Variants in CACNA2D2 observed in about 807,000 individuals in gnomAD.
The protein encoded by CACNA2D2 is voltage-dependent calcium channel subunit alpha-2/delta-2.
A neutral mutation model predicts 166.4 loss-of-function variants in CACNA2D2; 48 were observed. The observed-to-expected ratio is 0.29, with a 90% confidence interval of 0.23 to 0.37. The LOEUF is 0.37. CACNA2D2 is among the 10% of genes least tolerant of loss of function. The pLI, the probability that CACNA2D2 is intolerant of heterozygous loss-of-function variation, is 1.00. For missense variants in CACNA2D2, 1,122 were observed against 1,433.0 expected (o/e 0.78, Z 3.50); for synonymous variants, 561 against 573.7 (o/e 0.98, Z 0.32).
chr3:50,480,794 T>G (rs575755538), intron 1 of CACNA2D2, among the ~76,000 whole-genome samples: 2 of 36,568 alleles, frequency 5.5e-5, no homozygotes, highest in African/African-American at 1.4e-4. Context: ...TAGGGGCAGC[T>G]GCAAATGCTC....
chr3:50,483,591 C>T (rs1415552712), intron 1 of CACNA2D2, among the ~76,000 whole-genome samples: 1 of 152,198 alleles, frequency 6.6e-6, no homozygotes, highest in Non-Finnish European at 1.5e-5. Context: ...CCAATATTTA[C>T]TCATAGCAGC....
rs1705064776 is a variant in CACNA2D2, at chr3:50,377,741, C to T, written c.1542G>A (p.Gly514=). 6.2e-7 allele frequency: 1 copy of T among 1,612,902 alleles called. No homozygotes were observed. The highest frequency in any genetic ancestry group is 8.5e-7 in the Non-Finnish European group (1 of 1,179,456). The stretch of plus-strand genomic sequence containing the variant: ...CCTCCCCTTTCCTCACCTTCTTTTC[C>T]CCAGGGCCATCCTGTGTCAGGTTGA... The part of the protein sequence containing the change: ...PVFNLTQDGP[G]EKKNQLILGV... Residue 514 remains glycine, a synonymous_variant, in exon 16 of 38, where the codon GGG becomes GGA. Transcript: ENST00000424201.
intron 3 of CACNA2D2, among the ~76,000 whole-genome samples, chr3:50,408,809 C>A (rs1706847472): frequency 6.6e-6 from 1 of 152,226 alleles, no homozygotes; most frequent in South Asian, 2.1e-4. Flanking sequence ...CCCACCTGGG[C>A]CTCACAGATG....
At chr3:50,369,260 G>T (rs763556457) in intron 23 of CACNA2D2, among the ~76,000 whole-genome samples, 1 of 152,198 alleles carries the variant, frequency 6.6e-6, no homozygotes. Flanking sequence ...CATTTGTGAG[G>T]TACTTCATTC....
intron 5 of CACNA2D2, among the ~76,000 whole-genome samples, chr3:50,387,361 G>A (rs1206473732): frequency 6.6e-6 from 1 of 152,230 alleles, no homozygotes; most frequent in Non-Finnish European, 1.5e-5. Context: ...TCACACTGCA[G>A]TCAAGCTCAG....
At chr3:50,479,170 C>A (rs566529736) in intron 1 of CACNA2D2, among the ~76,000 whole-genome samples, 2 of 152,316 alleles carry the variant, frequency 1.3e-5, no homozygotes, top group Admixed American at 6.5e-5. Context: ...ACTCTCCCTC[C>A]CTCCTTGTCT....
intron 6 of CACNA2D2, 116 bp from the exon 7 acceptor site, chr3:50,381,242 A>T: frequency 8.2e-7 from 1 of 1,225,500 alleles, no homozygotes; most frequent in Non-Finnish European, 1.2e-6. Context: ...TTCTCGGCCT[A>T]TCCAGGCCCT....
chr3:50,459,047 T>A lies in CACNA2D2; in HGVS notation c.288+17071A>T, dbSNP rs544331957. The stretch of plus-strand genomic sequence containing the variant: ...AGCTCACCTGTGAGGTGGCCCCACA[T>A]CCAGAAATCTTTCTTCATCCCATTC... On this transcript the variant is annotated intron_variant, in intron 2 of 37. Transcript: ENST00000424201. Among the ~76,000 whole-genome samples the A allele has an allele frequency of 1.4e-4, 22 of 152,338 alleles. No individual in the cohort carries two copies. In the East Asian group the frequency reaches 4.2e-3, roughly 29 times the overall value.
chr3:50,410,880 ATGTG>A (rs143016186), intron 3 of CACNA2D2, among the ~76,000 whole-genome samples: 1 of 152,076 alleles, frequency 6.6e-6, no homozygotes, highest in Non-Finnish European at 1.5e-5. Context: ...GAGAAGGAGG[ATGTG>A]TGTGTGTGTA....
chr3:50,365,141 C>G lies in CACNA2D2; in HGVS notation c.3142G>C (p.Val1048Leu). 6.2e-7 allele frequency: 1 copy of G among 1,612,198 alleles called. No individual in the cohort carries two copies. Among genetic ancestry groups the G allele is most frequent in the Non-Finnish European group, 8.5e-7 (1 of 1,179,736 alleles). ...QRLTNTNLLFVVAEKPLCSQC... is the reference protein window; with the variant it reads ...QRLTNTNLLFLVAEKPLCSQC... ...CTGCACAGCGGCTTCTCGGCCACCACAAAGAGAAGATTGGTGTTGGTCAGT... is the reference window on the plus strand; with the variant it reads ...CTGCACAGCGGCTTCTCGGCCACCAGAAAGAGAAGATTGGTGTTGGTCAGT... Residue 1048 changes from valine (V) to leucine (L), a missense_variant, in exon 36 of 38, where the codon GTG (valine) becomes CTG (leucine). By Grantham distance (32) the Val-to-Leu change is conservative. Around this residue, in one of 2 missense-constraint regions of CACNA2D2, gnomAD observed 282 missense variants for 266.2 expected, o/e 1.06. Coordinates refer to ENST00000424201, the MANE Select transcript of CACNA2D2 (RefSeq NM_006030.4). The surrounding 1 kb of genome is among the most constrained non-coding windows in gnomAD (Gnocchi z 4.5).
chr3:50,446,289 C>T (rs1031159185), intron 2 of CACNA2D2, among the ~76,000 whole-genome samples: 7 of 152,238 alleles, frequency 4.6e-5, no homozygotes, highest in Admixed American at 3.9e-4. Flanking sequence ...TCCACACCGG[C>T]CATCCATTTC....
chr3:50,477,389 T>C (rs1255207764), intron 1 of CACNA2D2, among the ~76,000 whole-genome samples: 1 of 152,188 alleles, frequency 6.6e-6, no homozygotes, highest in Non-Finnish European at 1.5e-5. Context: ...GGATGGACAG[T>C]TGGTCACGTG....
chr3:50,418,355 C>T (rs1483468008), intron 3 of CACNA2D2, among the ~76,000 whole-genome samples: 1 of 152,212 alleles, frequency 6.6e-6, no homozygotes, highest in African/African-American at 2.4e-5. Context: ...CTCTTTCTAC[C>T]TTCTTGGCCC....
At chr3:50,386,880 G>A (rs1208212100) in intron 5 of CACNA2D2, among the ~76,000 whole-genome samples, 11 of 152,130 alleles carry the variant, frequency 7.2e-5, no homozygotes, top group Non-Finnish European at 1.0e-4. Flanking sequence ...AGCAAACACC[G>A]TCTACTCCAA....
chr3:50,492,497 G>A (rs545220716), intron 1 of CACNA2D2, among the ~76,000 whole-genome samples: 4 of 152,340 alleles, frequency 2.6e-5, no homozygotes, highest in Non-Finnish European at 4.4e-5. Context: ...CTGAGAGGCC[G>A]AAGGAAGTGT....
chr3:50,364,917 G>C lies in CACNA2D2; in HGVS notation c.3262C>G (p.Pro1088Ala). 6.2e-7 allele frequency: 1 copy of C among 1,613,378 alleles called. No homozygotes were observed. Among genetic ancestry groups the C allele is most frequent in the Non-Finnish European group, 8.5e-7 (1 of 1,179,894 alleles). ...GCGTTGTAGTCGAAGCAGATGTGCG[G>C]GCCTCTCCGGTATCGCGGTCTCTGC... is the stretch of plus-strand genomic sequence containing the variant. The part of the protein sequence containing the change: ...LVQRPRYRRG[P>A]HICFDYNATE... Residue 1088 changes from proline to alanine, a missense_variant, in exon 37 of 38, where the codon CCG becomes GCG. This residue lies in a region of CACNA2D2 where 282 missense variants were observed against 266.2 expected (regional missense o/e 1.06). Transcript: ENST00000424201.
At position 50,375,361 on chromosome 3, in the gene CACNA2D2, T is replaced by A. The variant is rs1704915999; in HGVS notation, c.1907+283A>T. Among the ~76,000 whole-genome samples the A allele has an allele frequency of 6.6e-6, 1 of 152,160 alleles. No homozygotes were observed. The highest frequency in any genetic ancestry group is 2.1e-4 in the South Asian group (1 of 4,834). On this transcript the variant is annotated intron_variant, in intron 21 of 37. Transcript: ENST00000424201. This position sits in a 1 kb window ranked among gnomAD's most constrained non-coding sequence, Gnocchi z 4.0. ...GACCCAGCCTGACACACAAGGGACC[T>A]CCTCTGCCCTGAGACTGTGAGGCAG...
intron 3 of CACNA2D2, among the ~76,000 whole-genome samples, chr3:50,429,147 T>C: frequency 6.6e-6 from 1 of 151,956 alleles, no homozygotes; most frequent in East Asian, 1.9e-4. Flanking sequence ...TGAGAATTGC[T>C]TGAACTTCGG....
Position 50,464,255 on chromosome 3 carries a change from AG to A in CACNA2D2, c.288+11862del, listed in dbSNP as rs1709721605. Among the ~76,000 whole-genome samples, 4 of 152,362 alleles carry A rather than the reference AG, an allele frequency of 2.6e-5. No individual in the cohort carries two copies. The South Asian group carries it at 8.3e-4, about 32-fold the overall frequency. ...TGGCCCAAGATTATTTGGGCACTCCAGGATCTGTGGAGGAGGCAGGTCAACT... is the reference window on the plus strand; with the variant it reads ...TGGCCCAAGATTATTTGGGCACTCCAGATCTGTGGAGGAGGCAGGTCAACT... On this transcript the variant is annotated intron_variant, in intron 2 of 37. Coordinates refer to ENST00000424201, the MANE Select transcript of CACNA2D2 (RefSeq NM_006030.4).
Sources: gnomAD v4.1 joint callset for allele counts (sites outside exome capture counted in the v4.1 genomes callset) on GRCh38, gnomAD v4.1.1 for gene constraint, gnomAD v4.1.1 regional missense constraint, Gnocchi (gnomAD v3.1) non-coding constraint, MANE v1.5 for transcripts, NCBI Gene and HGNC (gene_info 2026-07-23, HGNC 2026-07-21) for gene names.